Variants in FRY observed in about 807,000 individuals in gnomAD.
The protein encoded by FRY is FRY microtubule binding protein.
A neutral mutation model predicts 348.4 loss-of-function variants in FRY; 128 were observed. The observed-to-expected ratio is 0.37, with a 90% CI of 0.32 to 0.43. The LOEUF (loss-of-function observed/expected upper bound fraction) is 0.43. FRY is among the 20% of genes least tolerant of loss of function. The pLI, the probability that FRY is intolerant of heterozygous loss-of-function variation, is 1.00. For synonymous variants in FRY, 1,370 were observed against 1,374.7 expected (o/e 1.00, Z 0.08); for missense variants, 2,736 against 3,695.2 (o/e 0.74, Z 6.73).
chr13:32,186,744 C>T (rs895861798), intron 27 of FRY, among the ~76,000 whole-genome samples: 5 of 152,116 alleles, frequency 3.3e-5, no homozygotes, highest in Non-Finnish European at 7.4e-5. Context: ...AGCGACATTC[C>T]CTTTTTAATC....
chr13:32,281,932 C>T (rs921533464), intron 58 of FRY, among the ~76,000 whole-genome samples: 1 of 152,166 alleles, frequency 6.6e-6, no homozygotes, highest in South Asian at 2.1e-4. Flanking sequence ...TGCCACCAGC[C>T]TTGAGGCATG....
intron 51 of FRY, among the ~76,000 whole-genome samples, chr13:32,260,535 T>C (rs1374217327): frequency 6.6e-6 from 1 of 152,192 alleles, no homozygotes; most frequent in East Asian, 1.9e-4. Flanking sequence ...AACACTTACA[T>C]GGCCACTTAA....
intron 17 of FRY, among the ~76,000 whole-genome samples, chr13:32,168,253 T>G (rs757472676): frequency 6.6e-6 from 1 of 152,192 alleles, no homozygotes; most frequent in Non-Finnish European, 1.5e-5. Flanking sequence ...GAAGAACCAG[T>G]GTTGCAGATG....
intron 18 of FRY, among the ~76,000 whole-genome samples, chr13:32,172,635 T>C (rs1172421836): frequency 1.3e-5 from 2 of 151,822 alleles, no homozygotes; most frequent in Non-Finnish European, 2.9e-5. Context: ...TGGAGAAGAG[T>C]GTAACTGAGA....
intron 50 of FRY, among the ~76,000 whole-genome samples, chr13:32,253,327 A>T (rs886849860): frequency 6.6e-6 from 1 of 152,252 alleles, no homozygotes; most frequent in Non-Finnish European, 1.5e-5. Flanking sequence ...GGAAAAAAGT[A>T]CACTTGAAAT....
At chr13:32,196,723 G>A (rs7322620) in intron 29 of FRY, among the ~76,000 whole-genome samples, 311 of 152,236 alleles carry the variant, frequency 2.0e-3, no homozygotes, top group African/African-American at 7.1e-3. Context: ...TGAGGATAAA[G>A]ATAGAAAGTG....
chr13:32,156,683 A>G (rs1002593379), intron 15 of FRY, among the ~76,000 whole-genome samples: 1 of 152,122 alleles, frequency 6.6e-6, no homozygotes. Context: ...AATTTTAAAT[A>G]CAAAGGTATT....
intron 4 of FRY, among the ~76,000 whole-genome samples, chr13:32,121,312 G>C (rs1878635376): frequency 1.3e-5 from 2 of 152,192 alleles, no homozygotes; most frequent in Admixed American, 1.3e-4. Flanking sequence ...GGATCAAATG[G>C]TAATTCTACT....
intron 2 of FRY, among the ~76,000 whole-genome samples, chr13:32,083,452 T>C (rs1200683830): frequency 6.6e-6 from 1 of 152,212 alleles, no homozygotes; most frequent in Non-Finnish European, 1.5e-5. Flanking sequence ...TGCCTGCTAA[T>C]TCTTGCCCAT....
chr13:32,219,594 TA>T (rs1455387166), intron 36 of FRY, among the ~76,000 whole-genome samples: 1 of 150,372 alleles, frequency 6.7e-6, no homozygotes, highest in Non-Finnish European at 1.5e-5. Flanking sequence ...CCATCTCTAC[TA>T]AAAAATACAA....
rs1456960600 is a variant in FRY at position 32,247,465 on chromosome 13, C to G, written c.6971C>G (p.Pro2324Arg). Residue 2324 changes from proline to arginine, a missense_variant, in exon 48 of 61, where the codon CCT becomes CGT. Pro to Arg is a moderately radical substitution (Grantham distance 103, BLOSUM62 -2). Around this residue, in one of 9 missense-constraint regions of FRY, gnomAD observed 789 missense variants for 996.2 expected, o/e 0.79. Transcript: ENST00000542859. Reference protein sequence around the residue: ...RVWTSASKELPGKTLDFHFDI... With the variant: ...RVWTSASKELRGKTLDFHFDI... ...TGGACTAGTGCTTCCAAGGAATTAC[C>G]TGGGAAAACCCTGGACTTCCACTTC... is the stretch of plus-strand genomic sequence containing the variant. 6.2e-7 allele frequency: 1 copy of G among 1,613,516 alleles called. No individual in the cohort carries two copies. The highest frequency in any genetic ancestry group is 2.2e-5 in the East Asian group (1 of 44,890).
chr13:32,240,578 C>T (rs1237641948), intron 46 of FRY, among the ~76,000 whole-genome samples: 1 of 152,196 alleles, frequency 6.6e-6, no homozygotes, highest in Non-Finnish European at 1.5e-5. Context: ...CCTCTGTGTA[C>T]GTTGGTGCTA....
chr13:32,060,168 C>T (rs922542872), intron 1 of FRY, among the ~76,000 whole-genome samples: 3 of 152,192 alleles, frequency 2.0e-5, no homozygotes, highest in African/African-American at 7.2e-5. Context: ...TTTTCACTGA[C>T]CCTCATAGAA....
chr13:32,175,437 C>A, intron 19 of FRY, 109 bp from the exon 20 acceptor site: 3 of 772,044 alleles, frequency 3.9e-6, no homozygotes, highest in Non-Finnish European at 7.1e-6. Flanking sequence ...TGAGAAAACC[C>A]TTATCACTAT....
chr13:32,078,261 C>T (rs1875233209), intron 1 of FRY, among the ~76,000 whole-genome samples: 1 of 152,154 alleles, frequency 6.6e-6, no homozygotes, highest in Non-Finnish European at 1.5e-5. Flanking sequence ...TAAACCCAAA[C>T]CTTGGACGGC....
At chr13:32,179,078 T>C (rs1368806630) in intron 22 of FRY, 45 bp downstream of exon 22, 1 of 1,507,494 alleles carries the variant, frequency 6.6e-7, no homozygotes, top group East Asian at 2.3e-5. Flanking sequence ...AGGTTTTTTT[T>C]TAGCTTGTTT....
At chr13:32,168,804 T>A (rs1401478216) in intron 17 of FRY, among the ~76,000 whole-genome samples, 1 of 152,226 alleles carries the variant, frequency 6.6e-6, no homozygotes, top group African/African-American at 2.4e-5. Flanking sequence ...ATTGTCAAAC[T>A]GGACCAATTG....
intron 26 of FRY, 151 bp from the exon 27 acceptor site, chr13:32,186,109 G>A: frequency 1.5e-6 from 1 of 680,660 alleles, no homozygotes; most frequent in East Asian, 2.6e-5. Context: ...AAGAAAATGT[G>A]GCTTGACTTT....
chr13:32,249,762 G>A, intron 49 of FRY, 75 bp downstream of exon 49: 1 of 1,344,430 alleles, frequency 7.4e-7, no homozygotes, highest in Non-Finnish European at 1.1e-6. Flanking sequence ...GGTCATAAGG[G>A]ATTCCCTCTC....
Sources: gnomAD v4.1 joint callset for allele counts (sites outside exome capture counted in the v4.1 genomes callset) on GRCh38, gnomAD v4.1.1 for gene constraint, gnomAD v4.1.1 regional missense constraint, MANE v1.5 for transcripts, NCBI Gene and HGNC (gene_info 2026-07-23, HGNC 2026-07-21) for gene names.